Variants in LEMD3 observed in about 807,000 individuals in gnomAD.
LEMD3 encodes LEM domain containing 3.
LEMD3 carries 33 observed loss-of-function variants against 95.2 expected under a neutral mutation model. The observed-to-expected ratio is 0.35, with a 90% confidence interval of 0.26 to 0.46. LEMD3 has a LOEUF of 0.46. Among genes scored for constraint, LEMD3 ranks in the 20% least tolerant of loss-of-function variants. The pLI is 1.00. For missense variants in LEMD3, 1,210 were observed against 1,192.8 expected (o/e 1.01, Z -0.21); for synonymous variants, 525 against 474.6 (o/e 1.11, Z -1.38).
chr12:65,216,042 A>G lies in LEMD3; in HGVS notation c.1626A>G (p.Ala542=). The G allele has an allele frequency of 6.3e-7, 1 of 1,585,082 alleles. No individual in the cohort carries two copies. ...TTCATGATCGATTGGCACAGCTTGC[A>G]GGTAATTGTTTTAACTTTTATAGTT... The part of the protein sequence containing the change: ...YKLHDRLAQL[A]GDHECGSSSQ... The change falls in exon 3 of 13, where the codon GCA becomes GCG. Residue 542 remains alanine (A), a splice_region_variant and synonymous_variant. Transcript: ENST00000308330.
intron 1 of LEMD3, among the ~76,000 whole-genome samples, chr12:65,179,786 A>G (rs1868844353): frequency 6.6e-6 from 1 of 152,190 alleles, no homozygotes; most frequent in South Asian, 2.1e-4. Flanking sequence ...TTTAAAAAAG[A>G]TGTATTTTAA....
chr12:65,243,525 A>G (rs1870998726), intron 10 of LEMD3, 56 bp downstream of exon 10: 1 of 963,390 alleles, frequency 1.0e-6, no homozygotes, highest in African/African-American at 1.6e-5. Context: ...TTGGCTGGAA[A>G]ATGCATGATA....
chr12:65,188,422 C>T (rs1869133441), intron 1 of LEMD3, among the ~76,000 whole-genome samples: 1 of 152,088 alleles, frequency 6.6e-6, no homozygotes, highest in African/African-American at 2.4e-5. Context: ...AACTCCTCTC[C>T]AAAGCAGTGA....
chr12:65,226,281 C>T (rs1215681568), intron 4 of LEMD3, among the ~76,000 whole-genome samples: 2 of 152,118 alleles, frequency 1.3e-5, no homozygotes, highest in Non-Finnish European at 2.9e-5. Context: ...TATTGCACTG[C>T]CCTGTGGGGT....
chr12:65,204,892 G>A (rs1056139696), intron 1 of LEMD3, among the ~76,000 whole-genome samples: 1 of 152,096 alleles, frequency 6.6e-6, no homozygotes, highest in Non-Finnish European at 1.5e-5. Context: ...ATTAGTGCTT[G>A]AGTAAATATA....
chr12:65,170,853 T>C lies in LEMD3; in HGVS notation c.1257T>C (p.Ser419=). The C allele has an allele frequency of 6.2e-7, 1 of 1,614,156 alleles. No individual in the cohort carries two copies. The highest frequency in any genetic ancestry group is 8.5e-7 in the Non-Finnish European group (1 of 1,180,040). The change falls in exon 1 of 13, where the codon TCT becomes TCC. Residue 419 remains serine (S), a synonymous_variant. Transcript: ENST00000308330. ...SLPPSAAVAA[S]SSLRINHANH... ...CTCCCAGTGCGGCGGTGGCCGCCTC[T>C]AGTTCACTCAGGATCAATCACGCCA...
At chr12:65,221,429 C>T (rs1870284448) in intron 4 of LEMD3, among the ~76,000 whole-genome samples, 1 of 151,668 alleles carries the variant, frequency 6.6e-6, no homozygotes, top group Admixed American at 6.6e-5. Flanking sequence ...TGCTATGTTG[C>T]CCAGGCTGGT....
At chr12:65,201,527 A>T (rs1466596766) in intron 1 of LEMD3, among the ~76,000 whole-genome samples, 1 of 152,112 alleles carries the variant, frequency 6.6e-6, no homozygotes, top group Non-Finnish European at 1.5e-5. Context: ...TGTTAGATTT[A>T]CCTATTTCAT....
intron 1 of LEMD3, among the ~76,000 whole-genome samples, chr12:65,178,968 T>C (rs1363754601): frequency 6.6e-6 from 1 of 152,170 alleles, no homozygotes; most frequent in African/African-American, 2.4e-5. Flanking sequence ...CATTCAACAA[T>C]TATGAATCAC....
chr12:65,183,922 T>G (rs17101132), intron 1 of LEMD3, among the ~76,000 whole-genome samples: 44,146 of 152,012 alleles, frequency 0.29, 6,505 homozygotes, highest in Admixed American at 0.36. Flanking sequence ...TCTTTAAACA[T>G]GTAGAATGGA....
In LEMD3 at chr12:65,246,154, T is replaced by G. The variant is rs893830445; in HGVS notation, c.2573-8T>G. On this transcript the variant is annotated splice_region_variant and splice_polypyrimidine_tract_variant and intron_variant, in intron 12 of 12. Transcript: ENST00000308330. ...CTGATCTAAAATATTATTTTTATCT[T>G]ACAACAGGGAAATTGGTTACAGTAA... 1 of 1,597,504 alleles carries G rather than the reference T, an allele frequency of 6.3e-7. No homozygotes were observed. The highest frequency in any genetic ancestry group is 8.6e-7 in the Non-Finnish European group (1 of 1,166,550).
chr12:65,216,793 G>A (rs1031291087), intron 3 of LEMD3, among the ~76,000 whole-genome samples: 1 of 152,150 alleles, frequency 6.6e-6, no homozygotes, highest in African/African-American at 2.4e-5. Flanking sequence ...TTCTCTGGTT[G>A]AATGGAGGTA....
intron 1 of LEMD3, among the ~76,000 whole-genome samples, chr12:65,210,655 A>G (rs946394805): frequency 2.0e-5 from 3 of 152,214 alleles, no homozygotes; most frequent in Admixed American, 2.0e-4. Flanking sequence ...TAAGTGGTAG[A>G]GGTGGAGCTG....
intron 1 of LEMD3, among the ~76,000 whole-genome samples, chr12:65,179,200 G>A (rs1444285570): frequency 1.3e-5 from 2 of 152,046 alleles, no homozygotes; most frequent in Non-Finnish European, 2.9e-5. Flanking sequence ...AGGATATAAA[G>A]AACTTTTCAT....
intron 10 of LEMD3, among the ~76,000 whole-genome samples, chr12:65,243,947 C>T (rs1871012254): frequency 6.6e-6 from 1 of 152,168 alleles, no homozygotes; most frequent in South Asian, 2.1e-4. Context: ...ATTTGAAGAA[C>T]TTTTCAGACT....
Position 65,238,714 on chromosome 12 carries a change from T to G in LEMD3, c.1821T>G (p.Asp607Glu), listed in dbSNP as rs1870845461. 3.1e-6 allele frequency: 5 copies of G among 1,614,100 alleles called. No homozygotes were observed. The highest frequency in any genetic ancestry group is 4.2e-6 in the Non-Finnish European group (5 of 1,179,958). Residue 607 changes from aspartate (D) to glutamate (E), a missense_variant, in exon 6 of 13, where the codon GAT (aspartate) becomes GAG (glutamate). Physicochemically the swap from Asp to Glu is conservative, Grantham distance 45. Coordinates refer to ENST00000308330, the MANE Select transcript of LEMD3 (RefSeq NM_014319.5). Reference protein sequence around the residue: ...GPEEELTNITDVQFLQSTRPL... With the variant: ...GPEEELTNITEVQFLQSTRPL... The stretch of plus-strand genomic sequence containing the variant: ...AGGAAGAATTGACAAATATAACTGA[T>G]GTGCAGTTTTTACAGTCCACAAGAC...
chr12:65,194,731 TCC>T (rs1869356073), intron 1 of LEMD3, among the ~76,000 whole-genome samples: 1 of 140,544 alleles, frequency 7.1e-6, no homozygotes, highest in African/African-American at 2.9e-5. Flanking sequence ...CCTCTCATCT[TCC>T]TAATTTTGTG....
At chr12:65,235,642 A>G (rs1265216423) in intron 4 of LEMD3, among the ~76,000 whole-genome samples, 2 of 152,188 alleles carry the variant, frequency 1.3e-5, no homozygotes, top group Non-Finnish European at 2.9e-5. Context: ...AATGATGTGC[A>G]TAGGTTATAT....
chr12:65,215,926 TG>T (rs767935332), intron 2 of LEMD3, 50 bp from the exon 3 acceptor site: 5 of 655,110 alleles, frequency 7.6e-6, no homozygotes, highest in East Asian at 2.9e-5. Flanking sequence ...AATTATTTGG[TG>T]TTTTTTTTCT....
Sources: gnomAD v4.1 joint callset for allele counts (sites outside exome capture counted in the v4.1 genomes callset) on GRCh38, gnomAD v4.1.1 for gene constraint, MANE v1.5 for transcripts, NCBI Gene and HGNC (gene_info 2026-07-23, HGNC 2026-07-21) for gene names.